The following PTPRD variants were observed in gnomAD, a reference collection of about 807,000 sequenced individuals.
PTPRD encodes the protein receptor-type tyrosine-protein phosphatase delta.
In PTPRD, 34 loss-of-function variants were observed where a neutral mutation model predicts 214.5. The observed-to-expected ratio is 0.16, with a 90% CI of 0.12 to 0.21. PTPRD has a LOEUF of 0.21. Ranked by LOEUF, PTPRD falls within the 10% of genes least tolerant of loss-of-function variation. PTPRD has a pLI of 1.00. For missense variants in PTPRD, 2,545 were observed against 2,398.7 expected, an observed-to-expected ratio of 1.06 and a Z score of -1.27; for synonymous variants, 1,128 against 845.7, an observed-to-expected ratio of 1.33 and a Z score of -5.79.
intron 7 of PTPRD, among the ~76,000 whole-genome samples, chr9:9,629,238 G>GTGTGTGTATATATATATATA (rs149327972): frequency 1.6e-4 from 22 of 140,400 alleles, no homozygotes; most frequent in Admixed American, 2.8e-4. Context: ...GTGTGTGTGT[G>GTGTGTGTATATATATATATA]TATATATATA....
intron 2 of PTPRD, among the ~76,000 whole-genome samples, chr9:10,425,354 T>C (rs943442023): frequency 6.6e-6 from 1 of 152,002 alleles, no homozygotes; most frequent in African/African-American, 2.4e-5. Flanking sequence ...CCTCTTCTAT[T>C]ACCTATCATA....
intron 5 of PTPRD, among the ~76,000 whole-genome samples, chr9:9,928,155 G>A (rs1295821535): frequency 6.6e-5 from 10 of 152,018 alleles, no homozygotes; most frequent in Admixed American, 6.6e-4. Flanking sequence ...TACAGTTGTT[G>A]GCAATATTAA....
At chr9:9,388,520 G>A (rs139599878) in intron 9 of PTPRD, among the ~76,000 whole-genome samples, 4 of 152,252 alleles carry the variant, frequency 2.6e-5, no homozygotes, top group African/African-American at 7.2e-5. Context: ...AAACTAAGAT[G>A]TATGGTTACC....
At chr9:9,529,317 G>C (rs2074952636) in intron 8 of PTPRD, among the ~76,000 whole-genome samples, 1 of 148,876 alleles carries the variant, frequency 6.7e-6, no homozygotes, top group African/African-American at 2.5e-5. Flanking sequence ...AAAAAAGTCA[G>C]TCTTTGAAAG....
chr9:9,832,865 A>G (rs567392215), intron 5 of PTPRD, among the ~76,000 whole-genome samples: 30 of 150,936 alleles, frequency 2.0e-4, no homozygotes, highest in Non-Finnish European at 4.1e-4. Context: ...TAGGAATTCA[A>G]TTAAAGAATG....
chr9:10,314,337 G>C (rs1284416247), intron 3 of PTPRD, among the ~76,000 whole-genome samples: 1 of 151,832 alleles, frequency 6.6e-6, no homozygotes, highest in Non-Finnish European at 1.5e-5. Flanking sequence ...CAGAATCAAA[G>C]GATTTGTCAC....
At chr9:10,575,218 T>C (rs2068823209) in intron 2 of PTPRD, among the ~76,000 whole-genome samples, 1 of 152,052 alleles carries the variant, frequency 6.6e-6, no homozygotes, top group Admixed American at 6.6e-5. Context: ...ATCATCATTA[T>C]TAAGAATTTA....
At chr9:10,141,987 G>A (rs1477317950) in intron 3 of PTPRD, among the ~76,000 whole-genome samples, 1 of 152,110 alleles carries the variant, frequency 6.6e-6, no homozygotes, top group African/African-American at 2.4e-5. Context: ...ACAACTATCT[G>A]ATCTTTGACA....
At chr9:10,219,831 G>A (rs540639091) in intron 3 of PTPRD, among the ~76,000 whole-genome samples, 1 of 151,524 alleles carries the variant, frequency 6.6e-6, no homozygotes, top group East Asian at 1.9e-4. Context: ...TTTTGTGGCT[G>A]TTAGCCACAC....
intron 36 of PTPRD, among the ~76,000 whole-genome samples, chr9:8,391,227 T>C (rs1353482054): frequency 6.6e-6 from 1 of 152,182 alleles, no homozygotes; most frequent in Non-Finnish European, 1.5e-5. Context: ...TTTGACTGCT[T>C]TTCTGATTCC....
intron 14 of PTPRD, among the ~76,000 whole-genome samples, chr9:8,552,962 C>A (rs148248271): frequency 6.6e-6 from 1 of 152,300 alleles, no homozygotes; most frequent in African/African-American, 2.4e-5. Flanking sequence ...CAGACACATT[C>A]TGCATTACCC....
rs562415169 is a variant in PTPRD, at chr9:10,450,929, T to C, written c.-599-109912A>G. ...TTAATCATTCTTAACACATTTGATT[T>C]ATAAAAATCTCTAAGTACTCTGAGA... On this transcript the variant is annotated intron_variant, in intron 2 of 45. Transcript: ENST00000381196. 2.0e-5 allele frequency among the ~76,000 whole-genome samples: 3 copies of C among 152,094 alleles called. No homozygotes were observed. In the South Asian group the frequency reaches 6.2e-4, roughly 31 times the overall value.
intron 10 of PTPRD, among the ~76,000 whole-genome samples, chr9:9,093,384 T>C (rs2099779013): frequency 6.6e-6 from 1 of 152,004 alleles, no homozygotes; most frequent in South Asian, 2.1e-4. Context: ...GACTACATAG[T>C]TTATTCAAAT....
chr9:9,252,697 T>C (rs957208522), intron 9 of PTPRD, among the ~76,000 whole-genome samples: 5 of 152,018 alleles, frequency 3.3e-5, no homozygotes, highest in South Asian at 2.1e-4. Context: ...CCCAGGCTGG[T>C]CTTGAACTCC....
intron 8 of PTPRD, among the ~76,000 whole-genome samples, chr9:9,519,013 AAATAT>A (rs2096901931): frequency 6.6e-6 from 1 of 152,054 alleles, no homozygotes; most frequent in Non-Finnish European, 1.5e-5. Context: ...AATTGAAATA[AAATAT>A]AATTACAGTA....
chr9:10,121,342 G>C (rs1481086279), intron 3 of PTPRD, among the ~76,000 whole-genome samples: 4 of 152,064 alleles, frequency 2.6e-5, no homozygotes, highest in African/African-American at 9.7e-5. Context: ...ATTTCAATTT[G>C]GAAGCAGATT....
Position 8,315,519 on chromosome 9 carries a change from A to AAACT in PTPRD, c.*2351_*2354dup, listed in dbSNP as rs1302440249. 8 of 231,900 alleles carry AAACT rather than the reference A, an allele frequency of 3.4e-5. No individual in the cohort carries two copies. Among genetic ancestry groups the AAACT allele is most frequent in the Admixed American group, 5.7e-5 (1 of 17,694 alleles). 14.4% of individuals were successfully genotyped at this position (231,900 alleles called of 1,614,324 possible). A position where few individuals can be genotyped will look rare whatever the true frequency, so the allele number is the denominator to read the frequency against. On this transcript the variant is annotated 3_prime_UTR_variant, in exon 46 of 46. Coordinates refer to ENST00000381196, the MANE Select transcript of PTPRD (RefSeq NM_002839.4). Reference sequence around the variant, plus strand: ...CTTGGATAAATCTCCAAAAAGATACAAACTAAAAGAAAATAATGATAACAG... The same window carrying AAACT: ...CTTGGATAAATCTCCAAAAAGATACAAACTAACTAAAAGAAAATAATGATAACAG...
chr9:8,792,118 A>G (rs1283304810), intron 11 of PTPRD, among the ~76,000 whole-genome samples: 1 of 152,198 alleles, frequency 6.6e-6, no homozygotes, highest in African/African-American at 2.4e-5. Context: ...TCAAATAACT[A>G]TCAATATAGC....
At chr9:10,017,785 T>C (rs1014730254) in intron 4 of PTPRD, among the ~76,000 whole-genome samples, 5 of 152,112 alleles carry the variant, frequency 3.3e-5, no homozygotes, top group Non-Finnish European at 5.9e-5. Context: ...TTTAATATTT[T>C]GATATTTGGG....
Sources: gnomAD v4.1 joint callset for allele counts (sites outside exome capture counted in the v4.1 genomes callset) on GRCh38, gnomAD v4.1.1 for gene constraint, MANE v1.5 for transcripts, NCBI Gene and HGNC (gene_info 2026-07-23, HGNC 2026-07-21) for gene names.